The following RSF1 variants were observed in gnomAD, a reference collection of about 807,000 sequenced individuals.
The protein encoded by RSF1 is remodeling and spacing factor 1.
A neutral mutation model predicts 145.2 loss-of-function variants in RSF1; 13 were observed. The ratio of observed to expected loss-of-function variants is 0.09; its 90% CI spans 0.06 to 0.14. The LOEUF is 0.14. Among genes scored for constraint, RSF1 ranks in the 10% least tolerant of loss-of-function variants. The pLI is 1.00. For missense variants in RSF1, 1,517 were observed against 1,718.2 expected, an observed-to-expected ratio of 0.88 and a Z score of 2.07; for synonymous variants, 577 against 592.6, an observed-to-expected ratio of 0.97 and a Z score of 0.38.
chr11:77,856,168 A>G, the RSF1 span, among the ~76,000 whole-genome samples: 1 of 152,180 alleles, frequency 6.6e-6, no homozygotes, highest in African/African-American at 2.4e-5. Flanking sequence ...ATCACTCTCA[A>G]GTTCAAAGTT....
the RSF1 span, among the ~76,000 whole-genome samples, chr11:77,837,182 C>T: frequency 6.6e-6 from 1 of 152,126 alleles, no homozygotes; most frequent in East Asian, 1.9e-4. Context: ...GTCACCCAGG[C>T]TGGAGTGCAG....
At chr11:77,808,195 A>T (rs1948696471) in intron 1 of RSF1, among the ~76,000 whole-genome samples, 1 of 151,970 alleles carries the variant, frequency 6.6e-6, no homozygotes, top group Admixed American at 6.6e-5. Context: ...TTAGCTGGGC[A>T]TGATGGTGCG....
At chr11:77,871,501 TG>T in the RSF1 span, among the ~76,000 whole-genome samples, 1 of 151,866 alleles carries the variant, frequency 6.6e-6, no homozygotes, top group African/African-American at 2.4e-5. Flanking sequence ...GTGAGGAAAA[TG>T]GTGACTTATG....
chr11:77,864,946 C>T, the RSF1 span, among the ~76,000 whole-genome samples: 3 of 152,242 alleles, frequency 2.0e-5, no homozygotes, highest in East Asian at 5.8e-4. Flanking sequence ...CACTGCCCTC[C>T]AGCCTCAGTG....
chr11:77,748,860 T>C (rs936215591), intron 2 of RSF1, among the ~76,000 whole-genome samples: 2 of 152,200 alleles, frequency 1.3e-5, no homozygotes, highest in African/African-American at 2.4e-5. Context: ...AAAACTTGTA[T>C]ACAAATGTTC....
At chr11:77,777,764 TG>T (rs1355735910) in intron 1 of RSF1, among the ~76,000 whole-genome samples, 1 of 151,846 alleles carries the variant, frequency 6.6e-6, no homozygotes, top group Non-Finnish European at 1.5e-5. Flanking sequence ...ACAGGAGGAC[TG>T]CATCAACCCA....
chr11:77,681,096 A>G (rs890139090), intron 11 of RSF1, among the ~76,000 whole-genome samples: 1 of 152,222 alleles, frequency 6.6e-6, no homozygotes, highest in Non-Finnish European at 1.5e-5. Flanking sequence ...TAATGCAACT[A>G]AACAGCCTTG....
At chr11:77,780,422 C>G (rs1025978763) in intron 1 of RSF1, among the ~76,000 whole-genome samples, 1 of 152,142 alleles carries the variant, frequency 6.6e-6, no homozygotes, top group Admixed American at 6.5e-5. Flanking sequence ...TACAGGTGGA[C>G]AAGCATAAAC....
chr11:77,673,828 CAAAA>C (rs1565143983), intron 14 of RSF1, among the ~76,000 whole-genome samples: 2 of 151,910 alleles, frequency 1.3e-5, no homozygotes, highest in African/African-American at 4.8e-5. Context: ...CACAAGGAAA[CAAAA>C]GAAATCAAAA....
chr11:77,861,331 A>C, the RSF1 span, among the ~76,000 whole-genome samples: 1 of 152,192 alleles, frequency 6.6e-6, no homozygotes, highest in South Asian at 2.1e-4. Flanking sequence ...CTGAGAGAGA[A>C]GTATGTAGTG....
intron 5 of RSF1, among the ~76,000 whole-genome samples, chr11:77,719,367 A>G (rs1387277350): frequency 6.6e-6 from 1 of 152,214 alleles, no homozygotes; most frequent in Non-Finnish European, 1.5e-5. Context: ...TACAATAAAT[A>G]TCTTATTTTC....
intron 1 of RSF1, among the ~76,000 whole-genome samples, chr11:77,800,318 C>T (rs971110000): frequency 6.6e-6 from 1 of 151,414 alleles, no homozygotes; most frequent in Non-Finnish European, 1.5e-5. Context: ...ATGGTGAAAC[C>T]CCGCCTCTAC....
In RSF1 at chr11:77,794,884, G is replaced by C. The variant is rs559076242; in HGVS notation, c.187+25644C>G. Among the ~76,000 whole-genome samples the C allele has an allele frequency of 5.3e-5, 8 of 152,276 alleles. No homozygotes were observed. The South Asian group carries it at 1.5e-3, about 28-fold the overall frequency. On this transcript the variant is annotated intron_variant, in intron 1 of 15. Coordinates refer to ENST00000308488, the MANE Select transcript of RSF1 (RefSeq NM_016578.4). Reference sequence around the variant, plus strand: ...GTAAGGCAAGAGAAAGAAAGGAAAGGTATCCAAATTGGAAAGAAGGAGGTC... The same window carrying C: ...GTAAGGCAAGAGAAAGAAAGGAAAGCTATCCAAATTGGAAAGAAGGAGGTC...
chr11:77,672,594 T>A (rs550361757), intron 14 of RSF1, among the ~76,000 whole-genome samples: 1 of 150,534 alleles, frequency 6.6e-6, no homozygotes, highest in Non-Finnish European at 1.5e-5. Context: ...AAAAAAAAAA[T>A]GACTCAATCT....
At chr11:77,837,030 C>G in the RSF1 span, among the ~76,000 whole-genome samples, 1 of 152,244 alleles carries the variant, frequency 6.6e-6, no homozygotes, top group Non-Finnish European at 1.5e-5. Flanking sequence ...ATTAGATCCT[C>G]AAAAACAGGA....
chr11:77,730,060 T>C (rs1961165003), intron 4 of RSF1, among the ~76,000 whole-genome samples: 1 of 152,074 alleles, frequency 6.6e-6, no homozygotes, highest in African/African-American at 2.4e-5. Context: ...ATTAATTAGT[T>C]CATATAATTC....
chr11:77,700,773 T>C lies in RSF1; in HGVS notation c.2456A>G (p.Lys819Arg), dbSNP rs761274198. Residue 819 changes from lysine (K) to arginine (R), a missense_variant, in exon 6 of 16, where the codon AAA (lysine) becomes AGA (arginine). Physicochemically the swap from Lys to Arg is conservative, Grantham distance 26 (BLOSUM62 2). Coordinates refer to ENST00000308488, the MANE Select transcript of RSF1 (RefSeq NM_016578.4). ...CTCTGATTTTTTCAAAATTTCCTTTTTGTCAGTTTTTTGCAAAGCTGTTGA... is the reference window on the plus strand; with the variant it reads ...CTCTGATTTTTTCAAAATTTCCTTTCTGTCAGTTTTTTGCAAAGCTGTTGA... ...EESTALQKTD[K>R]KEILKKSEKD... The C allele has an allele frequency of 1.1e-5, 17 of 1,590,156 alleles. No individual in the cohort carries two copies. Among genetic ancestry groups the C allele is most frequent in the Non-Finnish European group, 3.4e-6 (4 of 1,175,162 alleles).
chr11:77,796,634 A>G (rs1376578224), intron 1 of RSF1, among the ~76,000 whole-genome samples: 1 of 152,206 alleles, frequency 6.6e-6, no homozygotes, highest in Admixed American at 6.5e-5. Flanking sequence ...CTCCTATTCA[A>G]CATAGTATTG....
chr11:77,810,177 G>A (rs921403036), intron 1 of RSF1, among the ~76,000 whole-genome samples: 4 of 152,012 alleles, frequency 2.6e-5, no homozygotes, highest in African/African-American at 4.8e-5. Context: ...CTGAGTACAC[G>A]GCATCACCAT....
Sources: allele counts gnomAD v4.1 joint callset (sites outside exome capture counted in the v4.1 genomes callset), GRCh38; gene constraint gnomAD v4.1.1; transcripts MANE v1.5; gene names NCBI Gene and HGNC (gene_info 2026-07-23, HGNC 2026-07-21).